GIT2: variants seen among roughly 807,000 people sequenced by gnomAD.
The protein encoded by GIT2 is GIT ArfGAP 2.
Under a neutral mutation model 100.3 loss-of-function variants are expected in GIT2, and 32 were observed. The observed-to-expected ratio is 0.32, with a 90% confidence interval of 0.24 to 0.43. The LOEUF is 0.43. GIT2 is among the 20% of genes least tolerant of loss of function. The pLI, the probability that GIT2 is intolerant of heterozygous loss-of-function variation, is 1.00. For synonymous variants in GIT2, 353 were observed against 364.1 expected (o/e 0.97, Z 0.35); for missense variants, 737 against 975.1 (o/e 0.76, Z 3.25).
chr12:109,996,072 G>T, intron 1 of GIT2, 101 bp downstream of exon 1: 2 of 741,070 alleles, frequency 2.7e-6, no homozygotes, highest in Non-Finnish European at 4.1e-6. Flanking sequence ...TCTTCGTTGC[G>T]ACCCTAGCCG....
At chr12:109,994,375 C>A (rs1273918292) in intron 1 of GIT2, among the ~76,000 whole-genome samples, 1 of 152,190 alleles carries the variant, frequency 6.6e-6, no homozygotes, top group African/African-American at 2.4e-5. Context: ...CTCCCCCAGA[C>A]AAATCTTAGG....
chr12:109,942,671 T>C (rs147868654), intron 16 of GIT2, among the ~76,000 whole-genome samples: 6 of 152,348 alleles, frequency 3.9e-5, no homozygotes, highest in Non-Finnish European at 5.9e-5. Context: ...GATGAAAATG[T>C]GATAAATCGC....
intron 7 of GIT2, among the ~76,000 whole-genome samples, chr12:109,978,870 C>T (rs1885690873): frequency 6.6e-6 from 1 of 152,166 alleles, no homozygotes; most frequent in South Asian, 2.1e-4. Context: ...CCTTCCCTGG[C>T]AAGTACATGA....
Position 109,996,193 on chromosome 12 carries a change from C to T in GIT2, c.32G>A (p.Cys11Tyr), listed in dbSNP as rs1377901258. The change falls in exon 1 of 20, where the codon TGC (cysteine) becomes TAC (tyrosine). Residue 11 changes from cysteine (C) to tyrosine (Y), a missense_variant. Physicochemically the swap from Cys to Tyr is radical, Grantham distance 194. This residue lies in a region of GIT2 where 266 missense variants were observed against 376.2 expected (regional missense o/e 0.71). Coordinates refer to ENST00000355312, the MANE Select transcript of GIT2 (RefSeq NM_057169.5). Reference protein sequence around the residue: MSKRLRSSEVCADCSGPDPSW... With the variant: MSKRLRSSEVYADCSGPDPSW... ...CTCACCCGGCCCGCTGCAGTCAGCGCACACCTCGCTGCTCCGGAGCCGTTT... is the reference window on the plus strand; with the variant it reads ...CTCACCCGGCCCGCTGCAGTCAGCGTACACCTCGCTGCTCCGGAGCCGTTT... 1 of 1,531,416 alleles carries T rather than the reference C, an allele frequency of 6.5e-7. No homozygotes were observed. Among genetic ancestry groups the T allele is most frequent in the Non-Finnish European group, 8.8e-7 (1 of 1,139,326 alleles). The allele number at this position is 1,531,416 out of a possible 1,614,324, so 94.9% of individuals were successfully genotyped here.
Position 109,948,544 on chromosome 12 carries a change from T to C in GIT2, c.1393-1040A>G. 1 of 1,330,596 alleles carries C rather than the reference T, an allele frequency of 7.5e-7. No homozygotes were observed. The highest frequency in any genetic ancestry group is 9.6e-7 in the Non-Finnish European group (1 of 1,045,052). 82.4% of individuals were successfully genotyped at this position (1,330,596 alleles called of 1,614,324 possible). On this transcript the variant is annotated intron_variant, in intron 14 of 19. Transcript: ENST00000355312. This position sits in a 1 kb window ranked among gnomAD's most constrained non-coding sequence, Gnocchi z 4.3. The stretch of plus-strand genomic sequence containing the variant: ...TTTAAACACCATTCACCACGTCCAT[T>C]CTGCGCAGGGTCCTTCCCTTCTGGT...
At chr12:109,971,763 T>A (rs1240553165) in intron 7 of GIT2, among the ~76,000 whole-genome samples, 1 of 151,200 alleles carries the variant, frequency 6.6e-6, no homozygotes, top group African/African-American at 2.4e-5. Flanking sequence ...GAGGCCAAGG[T>A]GGGTGGATCA....
At chr12:109,940,069 C>T (rs1434075449) in intron 16 of GIT2, 1 of 152,188 alleles carries the variant, frequency 6.6e-6, no homozygotes, top group East Asian at 1.9e-4. Context: ...CTGCCTCCTG[C>T]TACCTCCAAT....
At position 109,951,826 on chromosome 12, in the gene GIT2, G is replaced by A. The variant is rs1042296300; in HGVS notation, c.1243-510C>T. Among the ~76,000 whole-genome samples, 4 of 152,198 alleles carry A rather than the reference G, an allele frequency of 2.6e-5. No homozygotes were observed. In the East Asian group the frequency reaches 7.7e-4, roughly 29 times the overall value. On this transcript the variant is annotated intron_variant, in intron 13 of 19. Transcript: ENST00000355312. ...AAGATAAGACAGAGCAGGGTAGGGGGCTGCATGTTAAGCGGGGAGCTGGGG... is the reference window on the plus strand; with the variant it reads ...AAGATAAGACAGAGCAGGGTAGGGGACTGCATGTTAAGCGGGGAGCTGGGG...
At chr12:109,956,766 C>T (rs1367705940) in intron 12 of GIT2, among the ~76,000 whole-genome samples, 1 of 152,072 alleles carries the variant, frequency 6.6e-6, no homozygotes, top group African/African-American at 2.4e-5. Context: ...CCTGTAATCC[C>T]AGCACTTTGG....
Position 109,945,363 on chromosome 12 carries a change from G to A in GIT2, c.1642-14C>T, listed in dbSNP as rs1191554153. The stretch of plus-strand genomic sequence containing the variant: ...ACTCCTCCCGATCTGGAATGGGAAA[G>A]AGAAACACACTCGGGAAAATACAAA... On this transcript the variant is annotated splice_polypyrimidine_tract_variant and intron_variant, in intron 15 of 19. Transcript: ENST00000355312. 1.5e-6 allele frequency: 2 copies of A among 1,296,516 alleles called. No homozygotes were observed. Among genetic ancestry groups the A allele is most frequent in the Non-Finnish European group, 2.2e-6 (2 of 893,210 alleles). The allele number at this position is 1,296,516 out of a possible 1,614,324, so 80.3% of individuals were successfully genotyped here.
chr12:109,957,509 AT>A (rs111395877), intron 12 of GIT2, among the ~76,000 whole-genome samples: 2,935 of 143,928 alleles, frequency 0.02, 77 homozygotes, highest in African/African-American at 0.062. Context: ...ATAAGTATGT[AT>A]TTTTTTTTTT....
rs780891524 is a variant in GIT2 at position 109,939,188 on chromosome 12, G to A, written c.1791C>T (p.Asn597=). ...ACCCCATGCCATCTGGCTCCATGTC[G>A]TTGGGAGTGTTGTCGTAGTCACTCT... is the stretch of plus-strand genomic sequence containing the variant. ...TPESDYDNTP[N]DMEPDGMGSS... The change falls in exon 17 of 20, where the codon AAC becomes AAT. Residue 597 remains asparagine, a synonymous_variant. Coordinates refer to ENST00000355312, the MANE Select transcript of GIT2 (RefSeq NM_057169.5). 6.6e-5 allele frequency: 107 copies of A among 1,610,258 alleles called. No homozygotes were observed. In the Admixed American group the frequency reaches 1.2e-3, roughly 19 times the overall value.
At chr12:109,965,901 CATGATATAAGAAA>C (rs1368438934) in intron 8 of GIT2, 1 of 447,340 alleles carries the variant, frequency 2.2e-6, no homozygotes. Flanking sequence ...AAAAAAAAAG[CATGATATAAGAAA>C]ATATGTCGGG....
At chr12:109,983,202 A>T (rs1886671114) in intron 6 of GIT2, 171 bp downstream of exon 6, 1 of 592,620 alleles carries the variant, frequency 1.7e-6, no homozygotes, top group East Asian at 2.9e-5. Context: ...AGCCTTCCTC[A>T]ACTTTGCCAG....
upstream of GIT2, chr12:109,999,223 A>T (rs1889805400): frequency 6.5e-6 from 1 of 153,396 alleles, no homozygotes. The surrounding 1 kb of genome is among the most constrained non-coding windows in gnomAD (Gnocchi z 4.3). Flanking sequence ...AGCTGGGGAC[A>T]GGTAGACGGA....
rs774510245 is a variant in GIT2, at chr12:109,951,252, G to A, written c.1307C>T (p.Ala436Val). 2 of 1,611,048 alleles carry A rather than the reference G, an allele frequency of 1.2e-6. No homozygotes were observed. The highest frequency in any genetic ancestry group is 2.2e-5 in the South Asian group (2 of 91,010). The change falls in exon 14 of 20, where the codon GCT (alanine) becomes GTT (valine). Residue 436 changes from alanine (A) to valine (V), a missense_variant. Coordinates refer to ENST00000355312, the MANE Select transcript of GIT2 (RefSeq NM_057169.5). Reference protein sequence around the residue: ...TVQEFMEVKNALVASEAKIQQ... With the variant: ...TVQEFMEVKNVLVASEAKIQQ... ...TATCTTGGCCTCAGAAGCCACTAGA[G>A]CGTTTTTGACCTCCATAAATTCCTG... is the stretch of plus-strand genomic sequence containing the variant.
In GIT2 at chr12:109,992,741, G is replaced by A. The variant is rs943728455; in HGVS notation, c.53-981C>T. 3.3e-5 allele frequency among the ~76,000 whole-genome samples: 5 copies of A among 151,968 alleles called. No individual in the cohort carries two copies. In the East Asian group the frequency reaches 5.8e-4, roughly 18 times the overall value. On this transcript the variant is annotated intron_variant, in intron 1 of 19. Coordinates refer to ENST00000355312, the MANE Select transcript of GIT2 (RefSeq NM_057169.5). ...GGATGGAGTGCAGTGGCGCAATCTC[G>A]GCTCACTGCAACTTCTGCCTCCAGG...
chr12:109,974,039 C>A (rs1429170755), intron 7 of GIT2, among the ~76,000 whole-genome samples: 1 of 151,172 alleles, frequency 6.6e-6, no homozygotes, highest in East Asian at 2.0e-4. Flanking sequence ...AAGACACCAT[C>A]TCAAAAAATA....
At chr12:109,990,378 A>G (rs1888147036) in intron 2 of GIT2, among the ~76,000 whole-genome samples, 1 of 152,242 alleles carries the variant, frequency 6.6e-6, no homozygotes, top group African/African-American at 2.4e-5. Context: ...CTGTACTACA[A>G]TCTGGCTTTG....
Sources: allele counts gnomAD v4.1 joint callset (sites outside exome capture counted in the v4.1 genomes callset), GRCh38; gene constraint gnomAD v4.1.1; regional missense constraint gnomAD v4.1.1; non-coding constraint Gnocchi (gnomAD v3.1); transcripts MANE v1.5; gene names NCBI Gene and HGNC (gene_info 2026-07-23, HGNC 2026-07-21).